Variants in RIMKLA observed in about 807,000 individuals in gnomAD.
RIMKLA encodes N-acetylaspartylglutamate synthase A.
A neutral mutation model predicts 32.7 loss-of-function variants in RIMKLA; 14 were observed. That is an observed-to-expected ratio of 0.43 (90% confidence interval 0.28 to 0.67). RIMKLA has a LOEUF of 0.67. Among genes scored for constraint, RIMKLA ranks in the 30% least tolerant of loss-of-function variants. RIMKLA has a pLI of 0.18. For synonymous variants in RIMKLA, 176 were observed against 204.1 expected (o/e 0.86, Z 1.18); for missense variants, 410 against 519.0 (o/e 0.79, Z 2.04).
chr1:42,423,586 G>A lies in RIMKLA; in HGVS notation c.*8612G>A, dbSNP rs1055317885. The stretch of plus-strand genomic sequence containing the variant: ...TGGCTCTGGCAGAAACCATGCTGCA[G>A]GGGCACAGGTGGAGAGATGTTCAGG... On this transcript the variant is annotated 3_prime_UTR_variant, in exon 5 of 5. Coordinates refer to ENST00000431473, the MANE Select transcript of RIMKLA (RefSeq NM_173642.4). Among the ~76,000 whole-genome samples, 2 of 152,214 alleles carry A rather than the reference G, an allele frequency of 1.3e-5. No homozygotes were observed. Among genetic ancestry groups the A allele is most frequent in the African/African-American group, 4.8e-5 (2 of 41,446 alleles).
intron 1 of RIMKLA, among the ~76,000 whole-genome samples, chr1:42,381,549 G>A (rs1421802086): frequency 1.3e-5 from 2 of 152,124 alleles, no homozygotes; most frequent in East Asian, 3.9e-4. Flanking sequence ...CATCAGTAAT[G>A]TGCACCACAT....
intron 4 of RIMKLA, 97 bp from the exon 5 acceptor site, chr1:42,414,387 T>C (rs1014823276): frequency 1.5e-6 from 2 of 1,299,504 alleles, no homozygotes; most frequent in Non-Finnish European, 2.1e-6. Flanking sequence ...TGATCGAGCC[T>C]CTCTTTCTGC....
chr1:42,410,744 T>G (rs1226463904), intron 4 of RIMKLA, among the ~76,000 whole-genome samples: 1 of 152,192 alleles, frequency 6.6e-6, no homozygotes, highest in African/African-American at 2.4e-5. Flanking sequence ...TGAATGGAGA[T>G]ACTTCAAGAG....
At chr1:42,391,245 A>G (rs745841169) in intron 1 of RIMKLA, among the ~76,000 whole-genome samples, 7 of 152,200 alleles carry the variant, frequency 4.6e-5, no homozygotes, top group Non-Finnish European at 1.0e-4. Context: ...TCATAGGGAC[A>G]TGGAAATCAC....
intron 1 of RIMKLA, among the ~76,000 whole-genome samples, chr1:42,396,236 CAAAAAAAAAAAAAA>C (rs11363612): frequency 1.6e-5 from 1 of 60,902 alleles, no homozygotes; most frequent in East Asian, 6.0e-4. Flanking sequence ...AACTCCATCT[CAAAAAAAAAAAAAA>C]AAAAAAAAAA....
chr1:42,394,768 C>T (rs868242783), intron 1 of RIMKLA, among the ~76,000 whole-genome samples: 2 of 151,556 alleles, frequency 1.3e-5, no homozygotes, highest in Middle Eastern at 3.4e-3. Context: ...CGGAGTTTCG[C>T]TCTTGTTGCC....
Position 42,414,787 on chromosome 1 carries a change from C to T in RIMKLA, c.989C>T (p.Ala330Val), listed in dbSNP as rs150984747. ...GAGAAGAACGAGCCGGATGGCTGTG[C>T]TTCAGCTCAGGGAGTTGCAGAGAGC... ...PREKNEPDGC[A>V]SAQGVAESVY... The change falls in exon 5 of 5, where the codon GCT becomes GTT. Residue 330 changes from alanine to valine, a missense_variant. Coordinates refer to ENST00000431473, the MANE Select transcript of RIMKLA (RefSeq NM_173642.4). The T allele has an allele frequency of 6.2e-7, 1 of 1,614,034 alleles. No individual in the cohort carries two copies. The highest frequency in any genetic ancestry group is 1.3e-5 in the African/African-American group (1 of 74,918).
chr1:42,421,959 C>T lies in RIMKLA; in HGVS notation c.*6985C>T, dbSNP rs1643298863. On this transcript the variant is annotated 3_prime_UTR_variant, in exon 5 of 5. Coordinates refer to ENST00000431473, the MANE Select transcript of RIMKLA (RefSeq NM_173642.4). This position sits in a 1 kb window ranked among gnomAD's most constrained non-coding sequence, Gnocchi z 4.6. ...ATTGCACATCTCTTCCCAACCTGAACATTCAGTGACATCACATCAGTAGCT... is the reference window on the plus strand; with the variant it reads ...ATTGCACATCTCTTCCCAACCTGAATATTCAGTGACATCACATCAGTAGCT... 1 of 152,152 alleles carries T rather than the reference C, an allele frequency of 6.6e-6. No individual in the cohort carries two copies. The highest frequency in any genetic ancestry group is 6.5e-5 in the Admixed American group (1 of 15,274). 9.4% of individuals were successfully genotyped at this position (152,152 alleles called of 1,614,324 possible).
chr1:42,383,868 C>T (rs1043479706), intron 1 of RIMKLA, among the ~76,000 whole-genome samples: 14 of 152,164 alleles, frequency 9.2e-5, no homozygotes, highest in African/African-American at 3.4e-4. Context: ...ATGTCTGCAG[C>T]CTATAGTACC....
chr1:42,399,664 CAT>C (rs1451762737), intron 2 of RIMKLA, 30 bp downstream of exon 2: 1 of 1,326,196 alleles, frequency 7.5e-7, no homozygotes, highest in Admixed American at 1.9e-5. Context: ...CTTCCCAAAT[CAT>C]GTGCATCTCT....
At chr1:42,410,718 T>C (rs189721233) in intron 4 of RIMKLA, among the ~76,000 whole-genome samples, 2 of 152,324 alleles carry the variant, frequency 1.3e-5, no homozygotes, top group African/African-American at 2.4e-5. Context: ...TTGATAAAGT[T>C]TGTTATCTGT....
At chr1:42,405,065 A>G (rs182856632) in intron 3 of RIMKLA, among the ~76,000 whole-genome samples, 28 of 152,216 alleles carry the variant, frequency 1.8e-4, no homozygotes, top group Non-Finnish European at 4.0e-4. Flanking sequence ...TCATTCACCA[A>G]GTAGACCGTG....
intron 1 of RIMKLA, among the ~76,000 whole-genome samples, chr1:42,386,271 C>T: frequency 6.6e-6 from 1 of 151,814 alleles, no homozygotes; most frequent in Non-Finnish European, 1.5e-5. Flanking sequence ...AGAACACTTC[C>T]ACCAAATTTG....
At position 42,420,259 on chromosome 1, in the gene RIMKLA, A is replaced by T. The variant is rs1643284026; in HGVS notation, c.*5285A>T. On this transcript the variant is annotated 3_prime_UTR_variant, in exon 5 of 5. Coordinates refer to ENST00000431473, the MANE Select transcript of RIMKLA (RefSeq NM_173642.4). ...TAGCGTCTTATCCCTGCAATGCATC[A>T]GCTGAGACATGAAGCTCAGTTTCCT... The T allele has an allele frequency of 6.6e-6, 1 of 152,284 alleles. No individual in the cohort carries two copies. The highest frequency in any genetic ancestry group is 2.4e-5 in the African/African-American group (1 of 41,460). 9.4% of individuals were successfully genotyped at this position (152,284 alleles called of 1,614,324 possible).
chr1:42,396,121 A>G (rs557701378), intron 1 of RIMKLA, among the ~76,000 whole-genome samples: 37 of 151,304 alleles, frequency 2.4e-4, no homozygotes, highest in South Asian at 4.2e-4. Context: ...CTGTAATCCC[A>G]GCTACTTGGG....
At position 42,422,176 on chromosome 1, in the gene RIMKLA, T is replaced by G. The variant is rs1003635076; in HGVS notation, c.*7202T>G. 6 of 152,248 alleles carry G rather than the reference T, an allele frequency of 3.9e-5. No homozygotes were observed. Among genetic ancestry groups the G allele is most frequent in the African/African-American group, 1.4e-4 (6 of 41,460 alleles). 9.4% of individuals were successfully genotyped at this position (152,248 alleles called of 1,614,324 possible). The stretch of plus-strand genomic sequence containing the variant: ...CCAGGGAGGTAGCATTTGTGTTGTA[T>G]TTCTCAGAAGCAAGTGTCCTAGTGT... On this transcript the variant is annotated 3_prime_UTR_variant, in exon 5 of 5. Coordinates refer to ENST00000431473, the MANE Select transcript of RIMKLA (RefSeq NM_173642.4).
intron 1 of RIMKLA, among the ~76,000 whole-genome samples, chr1:42,382,254 A>G (rs1176872798): frequency 2.0e-5 from 3 of 152,222 alleles, no homozygotes; most frequent in Non-Finnish European, 4.4e-5. Context: ...CATTTAATCT[A>G]CAACAATGAC....
At chr1:42,389,797 G>C (rs1642984974) in intron 1 of RIMKLA, among the ~76,000 whole-genome samples, 1 of 149,626 alleles carries the variant, frequency 6.7e-6, no homozygotes, top group Non-Finnish European at 1.5e-5. Flanking sequence ...CTGGGTGACA[G>C]AGCGAGACGC....
In RIMKLA at chr1:42,414,776, G is replaced by A. The variant is rs763391001; in HGVS notation, c.978G>A (p.Pro326=). The part of the protein sequence containing the change: ...GLSSPREKNE[P]DGCASAQGVA... The stretch of plus-strand genomic sequence containing the variant: ...CGAGTCCAAGGGAGAAGAACGAGCC[G>A]GATGGCTGTGCTTCAGCTCAGGGAG... The change falls in exon 5 of 5, where the codon CCG becomes CCA. Residue 326 remains proline (P), a synonymous_variant. Coordinates refer to ENST00000431473, the MANE Select transcript of RIMKLA (RefSeq NM_173642.4). 25 of 1,613,978 alleles carry A rather than the reference G, an allele frequency of 1.5e-5. No individual in the cohort carries two copies. The highest frequency in any genetic ancestry group is 6.7e-5 in the East Asian group (3 of 44,894).
Sources: gnomAD v4.1 joint callset for allele counts (sites outside exome capture counted in the v4.1 genomes callset) on GRCh38, gnomAD v4.1.1 for gene constraint, Gnocchi (gnomAD v3.1) non-coding constraint, MANE v1.5 for transcripts, NCBI Gene and HGNC (gene_info 2026-07-23, HGNC 2026-07-21) for gene names.